SCOC: variants seen among roughly 807,000 people sequenced by gnomAD.
SCOC encodes short coiled coil protein.
SCOC carries 7 observed loss-of-function variants against 9.9 expected under a neutral mutation model. The observed-to-expected ratio is 0.71, with a 90% CI of 0.40 to 1.33. The LOEUF is 1.33. SCOC is among the 40% of genes most tolerant of loss of function. The pLI, the probability that SCOC is intolerant of heterozygous loss-of-function variation, is 0.01. For missense variants in SCOC, 66 were observed against 89.7 expected, an observed-to-expected ratio of 0.74 and a Z score of 1.07; for synonymous variants, 19 against 28.2, an observed-to-expected ratio of 0.67 and a Z score of 1.03.
chr4:140,360,006 C>T (rs1476612028), intron 2 of SCOC, among the ~76,000 whole-genome samples: 1 of 152,134 alleles, frequency 6.6e-6, no homozygotes, highest in Non-Finnish European at 1.5e-5. Context: ...TCAGGCAAGC[C>T]ACTTGACTCC....
chr4:140,299,372 A>G (rs1731747768), intron 1 of SCOC, among the ~76,000 whole-genome samples: 1 of 152,214 alleles, frequency 6.6e-6, no homozygotes, highest in Non-Finnish European at 1.5e-5. Context: ...ATGAATTCAT[A>G]AGGAAAGAAA....
At chr4:140,259,159 CA>C in intron 1 of SCOC, among the ~76,000 whole-genome samples, 1 of 152,204 alleles carries the variant, frequency 6.6e-6, no homozygotes, top group East Asian at 1.9e-4. Context: ...CCTTTGTCTA[CA>C]AAAGGTTGGA....
intron 1 of SCOC, among the ~76,000 whole-genome samples, chr4:140,268,539 A>G (rs1391896518): frequency 6.6e-6 from 1 of 152,242 alleles, no homozygotes; most frequent in African/African-American, 2.4e-5. Flanking sequence ...GCATGTTTAA[A>G]TGACTTTTTG....
At chr4:140,285,800 C>T (rs2126423117) in intron 1 of SCOC, among the ~76,000 whole-genome samples, 1 of 152,286 alleles carries the variant, frequency 6.6e-6, no homozygotes, top group East Asian at 1.9e-4. Flanking sequence ...TGGTTGGAAA[C>T]AGACCTGGTT....
intron 1 of SCOC, chr4:140,285,195 G>A (rs940726834): frequency 1.5e-5 from 7 of 456,604 alleles, no homozygotes; most frequent in East Asian, 1.4e-4. Context: ...AGTTGTGTTC[G>A]ATAGACATCC....
chr4:140,296,552 C>T (rs371028082), intron 1 of SCOC, among the ~76,000 whole-genome samples: 16 of 152,308 alleles, frequency 1.1e-4, no homozygotes, highest in African/African-American at 3.6e-4. Flanking sequence ...GTGGAAAAGC[C>T]TCTCTCGCTG....
At chr4:140,260,413 T>C (rs955270510) in intron 1 of SCOC, among the ~76,000 whole-genome samples, 5 of 152,178 alleles carry the variant, frequency 3.3e-5, no homozygotes, top group African/African-American at 1.2e-4. Context: ...TGATGGCGAG[T>C]GTGTTTTTCA....
intron 2 of SCOC, among the ~76,000 whole-genome samples, chr4:140,362,292 T>TTTCTCCTTCTCCTTCTCCTTCTCCTTCTC (rs1560720744): frequency 4.8e-5 from 1 of 20,974 alleles, no homozygotes; most frequent in African/African-American, 3.0e-4. Context: ...TTCTTCTTCT[T>TTTCTCCTTCTCCTTCTCCTTCTCCTTCTC]CTTCTTCTTT....
At chr4:140,373,155 A>C, upstream of SCOC, 1 of 494,282 alleles carries the variant, frequency 2.0e-6, no homozygotes, top group Non-Finnish European at 2.8e-6. Context: ...AATATGAAAA[A>C]GTCTGCTTTT....
intron 1 of SCOC, among the ~76,000 whole-genome samples, chr4:140,281,707 G>A (rs1731100377): frequency 6.6e-6 from 1 of 152,200 alleles, no homozygotes; most frequent in South Asian, 2.1e-4. Flanking sequence ...CAGGGGGAGT[G>A]TGGCGTTTCA....
intron 1 of SCOC, among the ~76,000 whole-genome samples, chr4:140,306,630 C>T (rs952075933): frequency 6.6e-6 from 1 of 151,966 alleles, no homozygotes; most frequent in African/African-American, 2.4e-5. Context: ...AATGTGGACA[C>T]TGCCAGAGAC....
intron 1 of SCOC, among the ~76,000 whole-genome samples, chr4:140,290,630 T>C (rs1409497253): frequency 6.6e-6 from 1 of 152,158 alleles, no homozygotes; most frequent in Non-Finnish European, 1.5e-5. Flanking sequence ...CTGGCCAACA[T>C]GGTGAAACCC....
At chr4:140,354,216 T>C (rs553665071) in intron 2 of SCOC, among the ~76,000 whole-genome samples, 2 of 152,328 alleles carry the variant, frequency 1.3e-5, no homozygotes, top group South Asian at 4.1e-4. Context: ...TAACAATGTT[T>C]CTTATCATTC....
intron 1 of SCOC, 58 bp downstream of exon 1, chr4:140,373,775 CAG>C: frequency 1.3e-6 from 2 of 1,494,148 alleles, no homozygotes; most frequent in Non-Finnish European, 1.8e-6. Context: ...GCTGCATCCT[CAG>C]TACCTCCGAG....
upstream of SCOC, chr4:140,373,324 GA>G: frequency 7.1e-7 from 1 of 1,404,034 alleles, no homozygotes; most frequent in Non-Finnish European, 9.2e-7. Flanking sequence ...TCCACACTGG[GA>G]TTCTCACTCC....
chr4:140,289,723 C>T (rs1731412516), intron 1 of SCOC, among the ~76,000 whole-genome samples: 1 of 152,172 alleles, frequency 6.6e-6, no homozygotes, highest in African/African-American at 2.4e-5. Context: ...TCCAGATCAG[C>T]CTTTTCAAGT....
intron 1 of SCOC, among the ~76,000 whole-genome samples, chr4:140,298,027 G>A (rs1328897980): frequency 1.3e-5 from 2 of 152,134 alleles, no homozygotes; most frequent in East Asian, 1.9e-4. Flanking sequence ...TATCTCCCCA[G>A]CCTCCCCCAG....
intron 1 of SCOC, among the ~76,000 whole-genome samples, chr4:140,272,648 T>C (rs542825689): frequency 1.3e-5 from 2 of 152,214 alleles, no homozygotes; most frequent in Admixed American, 1.3e-4. Context: ...TAGCTCTTTG[T>C]TGAATGAAGC....
At chr4:140,304,861 C>G (rs1010229847) in intron 1 of SCOC, among the ~76,000 whole-genome samples, 8 of 152,222 alleles carry the variant, frequency 5.3e-5, no homozygotes, top group African/African-American at 1.9e-4. Flanking sequence ...TTGAGGTTGA[C>G]ATAAGTACCC....
Sources: allele counts gnomAD v4.1 joint callset (sites outside exome capture counted in the v4.1 genomes callset), GRCh38; gene constraint gnomAD v4.1.1; transcripts MANE v1.5; gene names NCBI Gene and HGNC (gene_info 2026-07-23, HGNC 2026-07-21).